Variants in RPS6KC1 observed in about 807,000 individuals in gnomAD.
RPS6KC1 encodes the protein ribosomal protein S6 kinase C1.
A neutral mutation model predicts 103.8 loss-of-function variants in RPS6KC1; 54 were observed. That is an observed-to-expected ratio of 0.52 (90% CI 0.42 to 0.65). RPS6KC1 has a LOEUF of 0.65. Ranked by LOEUF, RPS6KC1 falls within the 30% of genes least tolerant of loss-of-function variation. The pLI is 0.00. For synonymous variants in RPS6KC1, 439 were observed against 438.7 expected, an observed-to-expected ratio of 1.00 and a Z score of -0.01; for missense variants, 1,151 against 1,253.8, an observed-to-expected ratio of 0.92 and a Z score of 1.24.
chr1:213,358,090 C>A, the RPS6KC1 span, among the ~76,000 whole-genome samples: 1 of 152,140 alleles, frequency 6.6e-6, no homozygotes, highest in Non-Finnish European at 1.5e-5. Context: ...TTGGTCTAAA[C>A]TTCTCTTTTT....
chr1:213,640,027 T>G, the RPS6KC1 span, among the ~76,000 whole-genome samples: 21,392 of 151,916 alleles, frequency 0.14, 2,387 homozygotes, highest in African/African-American at 0.31. Context: ...GGATCTGGAG[T>G]TTCTGTTCTG....
chr1:213,289,322 G>A, the RPS6KC1 span, among the ~76,000 whole-genome samples: 1 of 150,346 alleles, frequency 6.7e-6, no homozygotes, highest in Non-Finnish European at 1.5e-5. Flanking sequence ...CTGGAATGGA[G>A]ATGATTTATG....
the RPS6KC1 span, among the ~76,000 whole-genome samples, chr1:213,406,141 G>A: frequency 2.0e-5 from 3 of 152,190 alleles, no homozygotes; most frequent in Non-Finnish European, 2.9e-5. Context: ...GCAGGAATGG[G>A]GCTGGTGAAT....
At chr1:213,602,035 T>TTTTC in the RPS6KC1 span, among the ~76,000 whole-genome samples, 3 of 23,718 alleles carry the variant, frequency 1.3e-4, no homozygotes, top group Admixed American at 5.1e-4. Context: ...TTTCTCTTTC[T>TTTTC]CTTTCTTTCT....
the RPS6KC1 span, among the ~76,000 whole-genome samples, chr1:213,514,320 G>A: frequency 1.3e-5 from 2 of 152,042 alleles, no homozygotes; most frequent in East Asian, 1.9e-4. Context: ...ATGTTGGTGT[G>A]CTGCACCCAT....
At chr1:213,261,124 C>A (rs1308670051) in intron 12 of RPS6KC1, among the ~76,000 whole-genome samples, 1 of 138,588 alleles carries the variant, frequency 7.2e-6, no homozygotes, top group Non-Finnish European at 1.7e-5. Flanking sequence ...GGTTTCTAAC[C>A]TGCAAGTAAA....
the RPS6KC1 span, among the ~76,000 whole-genome samples, chr1:213,788,466 C>A: frequency 6.6e-6 from 1 of 152,232 alleles, no homozygotes; most frequent in South Asian, 2.1e-4. Flanking sequence ...TTCTATCATG[C>A]GTTTCTTCTA....
chr1:213,478,548 G>C, the RPS6KC1 span, among the ~76,000 whole-genome samples: 1 of 152,050 alleles, frequency 6.6e-6, no homozygotes, highest in Non-Finnish European at 1.5e-5. Context: ...GTGGATTATG[G>C]CCATTTTAAT....
chr1:213,072,995 CT>C, intron 2 of RPS6KC1: 1 of 704,518 alleles, frequency 1.4e-6, no homozygotes, highest in Non-Finnish European at 1.7e-6. Flanking sequence ...TTGTAAGTGT[CT>C]TTTAGTTAGA....
At chr1:213,661,046 C>A in the RPS6KC1 span, among the ~76,000 whole-genome samples, 2 of 152,184 alleles carry the variant, frequency 1.3e-5, no homozygotes, top group African/African-American at 4.8e-5. Flanking sequence ...GAACAATTGT[C>A]ATCTCAAGAA....
At chr1:213,164,295 C>G (rs1157459097) in intron 6 of RPS6KC1, among the ~76,000 whole-genome samples, 1 of 152,174 alleles carries the variant, frequency 6.6e-6, no homozygotes, top group Non-Finnish European at 1.5e-5. Context: ...TTCTTAGTGA[C>G]TGAAGTCAGA....
intron 12 of RPS6KC1, among the ~76,000 whole-genome samples, chr1:213,245,806 G>T (rs1375044628): frequency 1.3e-5 from 2 of 152,134 alleles, no homozygotes; most frequent in African/African-American, 4.8e-5. Flanking sequence ...TGGTCTAATT[G>T]AGGGGAAAAG....
intron 6 of RPS6KC1, among the ~76,000 whole-genome samples, chr1:213,141,954 A>C (rs2087095201): frequency 6.6e-6 from 1 of 151,520 alleles, no homozygotes. Flanking sequence ...TTATCTGTCT[A>C]GTTCTGTCAG....
the RPS6KC1 span, among the ~76,000 whole-genome samples, chr1:213,563,972 C>CTTTTTTTTTTTTTTGTTTTTTTTTT: frequency 7.4e-6 from 1 of 134,398 alleles, no homozygotes; most frequent in Non-Finnish European, 1.6e-5. Context: ...TTGCTTACCT[C>CTTTTTTTTTTTTTTGTTTTTTTTTT]TTTTTTTTTT....
the RPS6KC1 span, among the ~76,000 whole-genome samples, chr1:213,806,773 A>G: frequency 6.8e-6 from 1 of 147,312 alleles, no homozygotes; most frequent in Non-Finnish European, 1.5e-5. Flanking sequence ...CATTTAGTCC[A>G]TTTACATTTA....
the RPS6KC1 span, among the ~76,000 whole-genome samples, chr1:213,407,308 G>C: frequency 1.3e-3 from 191 of 152,306 alleles, 2 homozygotes; most frequent in South Asian, 0.016. Flanking sequence ...ATTCTTTGGA[G>C]TAAATTACTT....
chr1:213,472,144 A>G, the RPS6KC1 span, among the ~76,000 whole-genome samples: 139 of 152,246 alleles, frequency 9.1e-4, no homozygotes, highest in Middle Eastern at 0.01. Flanking sequence ...CTTTATTGTT[A>G]CCCGATATTT....
intron 3 of RPS6KC1, among the ~76,000 whole-genome samples, chr1:213,084,114 C>T (rs1186123088): frequency 6.6e-6 from 1 of 152,030 alleles, no homozygotes; most frequent in Non-Finnish European, 1.5e-5. Flanking sequence ...TTGCTGGTGT[C>T]TCTCTCACTC....
the RPS6KC1 span, among the ~76,000 whole-genome samples, chr1:213,860,404 AC>A: frequency 7.4e-6 from 1 of 135,814 alleles, no homozygotes; most frequent in African/African-American, 2.5e-5. Context: ...TGTAAGAGAA[AC>A]AAAAAAAAAA....
Sources: allele counts gnomAD v4.1 joint callset (sites outside exome capture counted in the v4.1 genomes callset), GRCh38; gene constraint gnomAD v4.1.1; transcripts MANE v1.5; gene names NCBI Gene and HGNC (gene_info 2026-07-23, HGNC 2026-07-21).